The following TMEFF1 variants were observed in gnomAD, a reference collection of about 807,000 sequenced individuals.
TMEFF1 encodes the protein tomoregulin-1.
A neutral mutation model predicts 47.5 loss-of-function variants in TMEFF1; 20 were observed. The observed-to-expected ratio is 0.42, with a 90% CI of 0.30 to 0.61. The LOEUF (loss-of-function observed/expected upper bound fraction) is 0.61, where lower values mean the gene tolerates loss of function less well. Among genes scored for constraint, TMEFF1 ranks in the 20% least tolerant of loss-of-function variants. The pLI, the probability that TMEFF1 is intolerant of heterozygous loss-of-function variation, is 0.19. For missense variants in TMEFF1, 411 were observed against 471.1 expected, an observed-to-expected ratio of 0.87 and a Z score of 1.18; for synonymous variants, 162 against 166.3, an observed-to-expected ratio of 0.97 and a Z score of 0.20.
At chr9:100,564,502 G>T (rs1007211735) in intron 8 of TMEFF1, among the ~76,000 whole-genome samples, 6 of 152,186 alleles carry the variant, frequency 3.9e-5, no homozygotes, top group African/African-American at 1.2e-4. Flanking sequence ...ATACAACCTG[G>T]TGAAAGAGAC....
Position 100,526,955 on chromosome 9 carries a change from CAAAAAAA to C in TMEFF1, c.560+10204_560+10210del, listed in dbSNP as rs55736750. ...TGAAACCCTGTCTCTGCTAAAAATACAAAAAAAAAAAAAAAAAAAAAAAAAAGGGAAA... is the reference window on the plus strand; with the variant it reads ...TGAAACCCTGTCTCTGCTAAAAATACAAAAAAAAAAAAAAAAAAAGGGAAA... On this transcript the variant is annotated intron_variant, in intron 5 of 9. Coordinates refer to ENST00000374879, the MANE Select transcript of TMEFF1 (RefSeq NM_003692.5). 6.9e-4 allele frequency among the ~76,000 whole-genome samples: 27 copies of C among 38,976 alleles called. No homozygotes were observed. In the Admixed American group the frequency reaches 8.5e-3, roughly 12 times the overall value. The allele number at this position is 38,976 out of a possible 152,430, so 25.6% of individuals were successfully genotyped here. A position where few individuals can be genotyped will look rare whatever the true frequency, so the allele number is the denominator to read the frequency against.
chr9:100,475,362 C>T (rs1170037133), intron 1 of TMEFF1, among the ~76,000 whole-genome samples: 2 of 152,196 alleles, frequency 1.3e-5, no homozygotes, highest in East Asian at 1.9e-4. Flanking sequence ...CATTTCCATC[C>T]GTGAAAAAAC....
intron 5 of TMEFF1, among the ~76,000 whole-genome samples, chr9:100,519,739 A>G (rs1014707007): frequency 1.4e-5 from 2 of 142,740 alleles, no homozygotes; most frequent in Admixed American, 1.5e-4. Flanking sequence ...TTCTGTATTA[A>G]GTCTTGGTCA....
At chr9:100,490,875 G>GTA (rs1564008952) in intron 1 of TMEFF1, among the ~76,000 whole-genome samples, 1 of 140,494 alleles carries the variant, frequency 7.1e-6, no homozygotes, top group Non-Finnish European at 1.6e-5. Context: ...GTGTGTGTAT[G>GTA]TGTGTATGTG....
chr9:100,518,890 G>T (rs1838114766), intron 5 of TMEFF1, among the ~76,000 whole-genome samples: 1 of 152,080 alleles, frequency 6.6e-6, no homozygotes, highest in African/African-American at 2.4e-5. Context: ...TACCTATCCA[G>T]CTGGGCCGTT....
intron 1 of TMEFF1, among the ~76,000 whole-genome samples, chr9:100,488,803 C>T (rs986621755): frequency 6.6e-6 from 1 of 151,888 alleles, no homozygotes; most frequent in African/African-American, 2.4e-5. Context: ...CCAGGGTGTC[C>T]CTCTTAAAAA....
Position 100,498,805 on chromosome 9 carries a change from GTCA to G in TMEFF1, c.242_244del (p.Ser81del), listed in dbSNP as rs1837705515. On this transcript the variant is annotated inframe_deletion, in exon 2 of 10. Coordinates refer to ENST00000374879, the MANE Select transcript of TMEFF1 (RefSeq NM_003692.5). ...AGTCTGACGTAAGAGTTTGTGATGA[GTCA>G]TCATGTAAATATGGAGGAGTCTGTA... The G allele has an allele frequency of 3.1e-6, 5 of 1,613,888 alleles. No homozygotes were observed. Among genetic ancestry groups the G allele is most frequent in the Non-Finnish European group, 4.2e-6 (5 of 1,179,894 alleles).
chr9:100,552,005 G>A (rs572266734), intron 7 of TMEFF1, among the ~76,000 whole-genome samples: 25 of 152,294 alleles, frequency 1.6e-4, no homozygotes, highest in South Asian at 1.2e-3. Flanking sequence ...GAGAGCATGA[G>A]CATAGATATG....
chr9:100,506,454 A>G (rs1387709680), intron 2 of TMEFF1, among the ~76,000 whole-genome samples: 2 of 152,122 alleles, frequency 1.3e-5, no homozygotes, highest in Non-Finnish European at 2.9e-5. Flanking sequence ...TGTGGAATAC[A>G]TAATACGTTT....
At chr9:100,506,282 G>A (rs1837858803) in intron 2 of TMEFF1, among the ~76,000 whole-genome samples, 1 of 152,082 alleles carries the variant, frequency 6.6e-6, no homozygotes, top group Admixed American at 6.6e-5. Context: ...AGGGAACTGG[G>A]AAACCATGAA....
chr9:100,556,281 G>C (rs1236737895), intron 7 of TMEFF1, among the ~76,000 whole-genome samples: 1 of 152,122 alleles, frequency 6.6e-6, no homozygotes, highest in Non-Finnish European at 1.5e-5. Flanking sequence ...ATCTAAACTT[G>C]ATCTCAGCTT....
At chr9:100,543,214 C>A (rs1838666890) in intron 5 of TMEFF1, among the ~76,000 whole-genome samples, 1 of 152,160 alleles carries the variant, frequency 6.6e-6, no homozygotes, top group South Asian at 2.1e-4. Flanking sequence ...AAGGGTGAGC[C>A]ACTGCGCCCA....
chr9:100,486,131 G>C (rs1837444372), intron 1 of TMEFF1, among the ~76,000 whole-genome samples: 1 of 151,650 alleles, frequency 6.6e-6, no homozygotes, highest in African/African-American at 2.4e-5. Context: ...TATAAGAGCA[G>C]TATATAATCT....
intron 2 of TMEFF1, among the ~76,000 whole-genome samples, chr9:100,507,110 G>A (rs1837878006): frequency 6.6e-6 from 1 of 152,096 alleles, no homozygotes; most frequent in African/African-American, 2.4e-5. Flanking sequence ...ACTAATGAGA[G>A]CATGAGGTAT....
intron 2 of TMEFF1, among the ~76,000 whole-genome samples, chr9:100,502,662 C>T (rs1837786480): frequency 6.6e-6 from 1 of 152,226 alleles, no homozygotes. Flanking sequence ...ATGCCCAGCC[C>T]TGCTTTTCTT....
intron 9 of TMEFF1, among the ~76,000 whole-genome samples, chr9:100,575,399 G>A (rs1839332502): frequency 1.3e-5 from 2 of 152,136 alleles, no homozygotes; most frequent in Non-Finnish European, 2.9e-5. Context: ...AAAAACCATG[G>A]CACTAGGAAA....
intron 2 of TMEFF1, among the ~76,000 whole-genome samples, chr9:100,502,490 G>A (rs1322697285): frequency 6.6e-6 from 1 of 151,950 alleles, no homozygotes; most frequent in Non-Finnish European, 1.5e-5. Context: ...CTCCTGAGTA[G>A]CTGGGACAGC....
In TMEFF1 at chr9:100,576,430, T is replaced by C. The variant is rs576794042; in HGVS notation, c.1059-86T>C. 22 of 1,519,166 alleles carry C rather than the reference T, an allele frequency of 1.4e-5. No homozygotes were observed. In the Admixed American group the frequency reaches 3.2e-4, roughly 22 times the overall value. The allele number at this position is 1,519,166 out of a possible 1,614,324, so 94.1% of individuals were successfully genotyped here. ...TTGCAATGTGGCTTTATGTGCAAAA[T>C]GTGTATTACTTTGGAAACATTTGAA... On this transcript the variant is annotated intron_variant, in intron 9 of 9. Transcript: ENST00000374879.
chr9:100,563,564 T>C (rs1839063240), intron 8 of TMEFF1, among the ~76,000 whole-genome samples: 2 of 152,332 alleles, frequency 1.3e-5, no homozygotes, highest in South Asian at 4.1e-4. Flanking sequence ...TAAGCCTCAT[T>C]TTCATCTTTC....
Sources: allele counts gnomAD v4.1 joint callset (sites outside exome capture counted in the v4.1 genomes callset), GRCh38; gene constraint gnomAD v4.1.1; transcripts MANE v1.5; gene names NCBI Gene and HGNC (gene_info 2026-07-23, HGNC 2026-07-21).